The following DCDC2 variants were observed in gnomAD, a reference collection of about 807,000 sequenced individuals.
The protein encoded by DCDC2 is doublecortin domain containing 2.
DCDC2 carries 40 observed loss-of-function variants against 50.2 expected under a neutral mutation model. The ratio of observed to expected loss-of-function variants is 0.80; its 90% CI spans 0.62 to 1.04. The LOEUF (loss-of-function observed/expected upper bound fraction) is 1.04. DCDC2 is among the 50% of genes least tolerant of loss of function. DCDC2 has a pLI of 0.00. For synonymous variants in DCDC2, 234 were observed against 210.6 expected (o/e 1.11, Z -0.96); for missense variants, 570 against 581.9 (o/e 0.98, Z 0.21).
chr6:24,292,116 G>C (rs952651383), intron 4 of DCDC2, among the ~76,000 whole-genome samples: 1 of 151,960 alleles, frequency 6.6e-6, no homozygotes, highest in Non-Finnish European at 1.5e-5. Context: ...CAATTAATAT[G>C]TTACTTATTA....
chr6:24,269,816 AG>A (rs1257050897), intron 7 of DCDC2, among the ~76,000 whole-genome samples: 1 of 152,152 alleles, frequency 6.6e-6, no homozygotes, highest in Non-Finnish European at 1.5e-5. Context: ...CCTAGAAAAG[AG>A]GGTCTAAATG....
At chr6:24,353,487 G>C in intron 2 of DCDC2, 82 bp downstream of exon 2, 2 of 817,082 alleles carry the variant, frequency 2.4e-6, no homozygotes, top group Non-Finnish European at 2.0e-6. Context: ...AAAGTAGAAT[G>C]CCGTCCAAAT....
chr6:24,347,321 C>A (rs2127252242), intron 2 of DCDC2, among the ~76,000 whole-genome samples: 1 of 152,228 alleles, frequency 6.6e-6, no homozygotes, highest in South Asian at 2.1e-4. Context: ...TAGTAAGCTC[C>A]ATGGACAGAA....
chr6:24,284,940 T>C (rs1016923809), intron 6 of DCDC2, among the ~76,000 whole-genome samples: 2 of 152,192 alleles, frequency 1.3e-5, no homozygotes, highest in African/African-American at 2.4e-5. Context: ...TACATTTTAT[T>C]TTCCCCATAG....
At chr6:24,347,851 T>C (rs1356301952) in intron 2 of DCDC2, among the ~76,000 whole-genome samples, 1 of 152,198 alleles carries the variant, frequency 6.6e-6, no homozygotes, top group East Asian at 1.9e-4. Context: ...AAAAGGCTTT[T>C]AAATTACTTG....
At chr6:24,332,237 C>T (rs1759980832) in intron 2 of DCDC2, among the ~76,000 whole-genome samples, 1 of 149,880 alleles carries the variant, frequency 6.7e-6, no homozygotes, top group Admixed American at 6.7e-5. Context: ...CCCCGAAAAC[C>T]GGGATATGAC....
intron 2 of DCDC2, among the ~76,000 whole-genome samples, chr6:24,334,695 A>G (rs541446867): frequency 2.0e-5 from 3 of 152,192 alleles, no homozygotes; most frequent in African/African-American, 4.8e-5. Context: ...TCTTCTATCT[A>G]TGTAATTCAA....
At chr6:24,212,029 T>C (rs941971566) in intron 7 of DCDC2, among the ~76,000 whole-genome samples, 1 of 151,894 alleles carries the variant, frequency 6.6e-6, no homozygotes, top group East Asian at 1.9e-4. Context: ...TGAGTGAGAA[T>C]TGCCACCTGA....
chr6:24,342,603 G>A (rs1254387548), intron 2 of DCDC2, among the ~76,000 whole-genome samples: 4 of 151,860 alleles, frequency 2.6e-5, no homozygotes, highest in Non-Finnish European at 5.9e-5. Context: ...CAACCGAAAT[G>A]TGCAAGTCAG....
At chr6:24,271,176 C>A (rs141467350) in intron 7 of DCDC2, among the ~76,000 whole-genome samples, 1,516 of 112,604 alleles carry the variant, frequency 0.013, 31 homozygotes, top group African/African-American at 0.048. Context: ...CCACTGTACT[C>A]CAGCCTGGGT....
chr6:24,198,531 G>A (rs1761501339), intron 8 of DCDC2, among the ~76,000 whole-genome samples: 1 of 152,120 alleles, frequency 6.6e-6, no homozygotes, highest in Non-Finnish European at 1.5e-5. Context: ...ATTCCCTCAG[G>A]TGCCTACACC....
At position 24,235,116 on chromosome 6, in the gene DCDC2, T is replaced by C. The variant is rs530576775; in HGVS notation, c.923-30014A>G. Among the ~76,000 whole-genome samples the C allele has an allele frequency of 2.6e-5, 4 of 152,324 alleles. No individual in the cohort carries two copies. The South Asian group carries it at 8.3e-4, about 32-fold the overall frequency. The stretch of plus-strand genomic sequence containing the variant: ...GAATTTTAGTAGCACTTAATTTAGC[T>C]ATATTACATCTAAAAACTTGAATTT... On this transcript the variant is annotated intron_variant, in intron 7 of 9. Coordinates refer to ENST00000378454, the MANE Select transcript of DCDC2 (RefSeq NM_016356.5).
chr6:24,237,275 T>A (rs776715329), intron 7 of DCDC2, among the ~76,000 whole-genome samples: 2 of 152,156 alleles, frequency 1.3e-5, no homozygotes, highest in Admixed American at 6.5e-5. Flanking sequence ...ACTATGCTTA[T>A]TAGCTAGGTG....
At chr6:24,184,972 A>T (rs1217153618) in intron 8 of DCDC2, among the ~76,000 whole-genome samples, 1 of 152,220 alleles carries the variant, frequency 6.6e-6, no homozygotes, top group Non-Finnish European at 1.5e-5. Flanking sequence ...CTCTGAGAAC[A>T]TATTACCAGT....
the DCDC2 span, among the ~76,000 whole-genome samples, chr6:24,376,522 G>A: frequency 9.0e-3 from 1,372 of 152,254 alleles, 23 homozygotes; most frequent in African/African-American, 0.03. Context: ...GGAGAATGAG[G>A]AACATGGAGA....
chr6:24,359,035 T>TATATATATTATATATTTTATATATC (rs1760573053), upstream of DCDC2, among the ~76,000 whole-genome samples: 12 of 45,358 alleles, frequency 2.6e-4, no homozygotes, highest in South Asian at 5.0e-3. Flanking sequence ...TTTTATATTT[T>TATATATATTATATATTTTATATATC]ATATATATTA....
upstream of DCDC2, among the ~76,000 whole-genome samples, chr6:24,359,352 TTTATG>T (rs1235731393): frequency 1.6e-5 from 1 of 62,106 alleles, no homozygotes; most frequent in African/African-American, 8.2e-5. Context: ...TTATATATAT[TTTATG>T]TATATTATAT....
At chr6:24,209,750 G>C (rs1373991022) in intron 7 of DCDC2, among the ~76,000 whole-genome samples, 2 of 152,118 alleles carry the variant, frequency 1.3e-5, no homozygotes, top group Non-Finnish European at 2.9e-5. Flanking sequence ...TCATATAAAA[G>C]TAACTCTTCT....
chr6:24,278,142 T>C lies in DCDC2; in HGVS notation c.829A>G (p.Lys277Glu), dbSNP rs775868003. 5 of 1,613,856 alleles carry C rather than the reference T, an allele frequency of 3.1e-6. No individual in the cohort carries two copies. The South Asian group carries it at 4.4e-5, about 14-fold the overall frequency. Residue 277 changes from lysine to glutamate, a missense_variant, in exon 7 of 10, where the codon AAA (lysine) becomes GAA (glutamate). Coordinates refer to ENST00000378454, the MANE Select transcript of DCDC2 (RefSeq NM_016356.5). ...DNSSPQPLKR[K>E]GKKEDVNSEK... The stretch of plus-strand genomic sequence containing the variant: ...GAATTCACGTCTTCTTTTTTCCCTT[T>C]CCTCTTCAGGGGCTGAGGAGATGAG...
Sources: gnomAD v4.1 joint callset for allele counts (sites outside exome capture counted in the v4.1 genomes callset) on GRCh38, gnomAD v4.1.1 for gene constraint, MANE v1.5 for transcripts, NCBI Gene and HGNC (gene_info 2026-07-23, HGNC 2026-07-21) for gene names.